NAV1: variants seen among roughly 807,000 people sequenced by gnomAD.
NAV1 encodes pore membrane and/or filament interacting like protein 3.
Under a neutral mutation model 175.2 loss-of-function variants are expected in NAV1, and 18 were observed. That is an observed-to-expected ratio of 0.10 (90% confidence interval 0.07 to 0.15). NAV1 has a LOEUF of 0.15. NAV1 is among the 10% of genes least tolerant of loss of function. NAV1 has a pLI of 1.00. For missense variants in NAV1, 1,731 were observed against 2,436.6 expected, an observed-to-expected ratio of 0.71 and a Z score of 6.10; for synonymous variants, 897 against 978.7, an observed-to-expected ratio of 0.92 and a Z score of 1.56.
rs577227528 is a variant in NAV1 at position 201,616,591 on chromosome 1, G to A, written c.-32-6262G>A. On this transcript the variant is annotated intron_variant, in intron 2 of 33. Transcript: ENST00000685211. ...CAACCTCCGCCTCCCAGGTTCAAGC[G>A]ATTCTCCTGCCTCAGCCTCCTGAGT... 2.7e-3 allele frequency among the ~76,000 whole-genome samples: 413 copies of A among 152,088 alleles called. 2 individuals carry two copies. Among genetic ancestry groups the A allele is most frequent in the Non-Finnish European group, 3.5e-3 (236 of 67,980 alleles).
At chr1:201,661,333 T>A (rs724220) in intron 1 of NAV1, among the ~76,000 whole-genome samples, 1 of 151,982 alleles carries the variant, frequency 6.6e-6, no homozygotes, top group Admixed American at 6.6e-5. Context: ...CTCCCAAGCC[T>A]CTCACTGTCT....
chr1:201,646,082 C>T (rs1242729804), upstream of NAV1, among the ~76,000 whole-genome samples: 1 of 152,188 alleles, frequency 6.6e-6, no homozygotes, highest in African/African-American at 2.4e-5. Context: ...CATGTTTGGA[C>T]ATAAGCATGG....
intron 15 of NAV1, chr1:201,797,237 A>G (rs1238835423): frequency 6.6e-6 from 1 of 152,138 alleles, no homozygotes; most frequent in East Asian, 1.9e-4. Context: ...TGAAAAGACT[A>G]TTTTTTCCCC....
chr1:201,782,436 G>A lies in NAV1; in HGVS notation c.1924G>A (p.Val642Ile), dbSNP rs983401169. 6.2e-7 allele frequency: 1 copy of A among 1,614,012 alleles called. No homozygotes were observed. The highest frequency in any genetic ancestry group is 8.5e-7 in the Non-Finnish European group (1 of 1,179,980). The change falls in exon 6 of 30, where the codon GTA (valine) becomes ATA (isoleucine). Residue 642 changes from valine (V) to isoleucine (I), a missense_variant. Physicochemically the swap from Val to Ile is conservative, Grantham distance 29. This residue lies in a region of NAV1 where 634 missense variants were observed against 766.8 expected (regional missense o/e 0.83). Coordinates refer to ENST00000367296, the Ensembl canonical transcript of NAV1. The surrounding 1 kb of genome is among the most constrained non-coding windows in gnomAD (Gnocchi z 5.4). ...GTCCTCAGGCATCCCTGTCAAGCCA[G>A]TAAATGGGCGCAAGACTAGCTTAGA... is the stretch of plus-strand genomic sequence containing the variant.
chr1:201,701,327 G>T lies in NAV1; in HGVS notation c.758-11490G>T, dbSNP rs186400572. Among the ~76,000 whole-genome samples the T allele has an allele frequency of 2.7e-3, 416 of 151,872 alleles. 3 individuals carry two copies. The highest frequency in any genetic ancestry group is 9.4e-3 in the African/African-American group (389 of 41,396). On this transcript the variant is annotated intron_variant, in intron 1 of 29. Coordinates refer to ENST00000367296, the Ensembl canonical transcript of NAV1. ...TACCTAATGTAAATGACAAGTTAAT[G>T]GGTGCAACAAACCAACATAGCACAT...
chr1:201,722,095 A>G (rs1420997825), intron 3 of NAV1, among the ~76,000 whole-genome samples: 4 of 152,244 alleles, frequency 2.6e-5, no homozygotes, highest in Non-Finnish European at 5.9e-5. Flanking sequence ...TTGTGGTTAT[A>G]TATATATAAC....
chr1:201,596,502 G>T (rs1667351233), intron 2 of NAV1, among the ~76,000 whole-genome samples: 1 of 152,242 alleles, frequency 6.6e-6, no homozygotes, highest in Admixed American at 6.5e-5. Flanking sequence ...GACTTTCAAA[G>T]AACTCCTCAG....
intron 1 of NAV1, among the ~76,000 whole-genome samples, chr1:201,685,126 G>GC (rs1171467574): frequency 2.6e-5 from 4 of 151,748 alleles, no homozygotes; most frequent in Non-Finnish European, 2.9e-5. Context: ...ACAAAAATTA[G>GC]CCTGGCATGG....
chr1:201,628,550 T>C (rs1401001678), intron 1 of NAV1, among the ~76,000 whole-genome samples: 1 of 152,144 alleles, frequency 6.6e-6, no homozygotes, highest in East Asian at 1.9e-4. Flanking sequence ...TCAGTGGCAC[T>C]GGAGACTCTC....
chr1:201,808,426 C>T lies in NAV1; in HGVS notation c.3854C>T (p.Ala1285Val), dbSNP rs779356832. The change falls in exon 19 of 30, where the codon GCT becomes GTT. Residue 1285 changes from alanine (A) to valine (V), a missense_variant. By Grantham distance (64) the Ala-to-Val change is moderately conservative (BLOSUM62 0). This residue lies in a region of NAV1 where 146 missense variants were observed against 176.8 expected (regional missense o/e 0.83). Coordinates refer to ENST00000367296, the Ensembl canonical transcript of NAV1. The surrounding 1 kb of genome is among the most constrained non-coding windows in gnomAD (Gnocchi z 5.5). ...CTCTTGCTATCTTACAGGGGCCCTG[C>T]TCACCCAGCCCCCCACACTAGGCTG... 6.2e-7 allele frequency: 1 copy of T among 1,611,412 alleles called. No individual in the cohort carries two copies. Among genetic ancestry groups the T allele is most frequent in the South Asian group, 1.1e-5 (1 of 90,776 alleles).
chr1:201,700,286 G>C (rs1671359505), intron 1 of NAV1, among the ~76,000 whole-genome samples: 1 of 152,228 alleles, frequency 6.6e-6, no homozygotes, highest in Non-Finnish European at 1.5e-5. Context: ...GATATGAACA[G>C]ACACTTCTCG....
At chr1:201,766,097 A>G (rs1411040929) in intron 3 of NAV1, among the ~76,000 whole-genome samples, 1 of 152,206 alleles carries the variant, frequency 6.6e-6, no homozygotes, top group Non-Finnish European at 1.5e-5. Flanking sequence ...ATATCCTCCA[A>G]TTTCATATAA....
chr1:201,789,817 C>T (rs1481071970), intron 11 of NAV1, 25 bp downstream of exon 15: 1 of 1,604,042 alleles, frequency 6.2e-7, no homozygotes, highest in Admixed American at 1.7e-5. Flanking sequence ...TTCTCTTCCC[C>T]TCTCATCCCC....
rs757752199 is a variant in NAV1 at position 201,808,708 on chromosome 1, G to A, written c.4044G>A (p.Glu1348=). The A allele has an allele frequency of 6.2e-7, 1 of 1,614,234 alleles. No individual in the cohort carries two copies. Among genetic ancestry groups the A allele is most frequent in the Admixed American group, 1.7e-5 (1 of 60,028 alleles). ...CCTGTCTGTTCTTGCCACAGTTGGA[G>A]GTGGACCTGCTGAAAGCAGAGAATG... Residue 1348 remains glutamate (E), a synonymous_variant, in exon 20 of 30, where the codon GAG becomes GAA. Transcript: ENST00000367296. The surrounding 1 kb of genome is among the most constrained non-coding windows in gnomAD (Gnocchi z 5.5).
At chr1:201,649,019 G>A (rs760971388) in exon 1 of NAV1, 2 of 1,613,616 alleles carry the variant, frequency 1.2e-6, no homozygotes, top group Non-Finnish European at 1.7e-6. Flanking sequence ...ATATGGCCAA[G>A]GCGCCCAAAG....
At chr1:201,611,364 T>C (rs1484673568) in intron 2 of NAV1, among the ~76,000 whole-genome samples, 2 of 152,204 alleles carry the variant, frequency 1.3e-5, no homozygotes, top group Non-Finnish European at 2.9e-5. Context: ...TCTTCCTCCA[T>C]TTCTGTCCTG....
chr1:201,707,265 C>T (rs979796080), intron 1 of NAV1, among the ~76,000 whole-genome samples: 2 of 152,288 alleles, frequency 1.3e-5, no homozygotes, highest in African/African-American at 4.8e-5. Context: ...AGACAAGGGG[C>T]CAGCCTCAGT....
At chr1:201,731,606 C>T (rs1052116039) in intron 3 of NAV1, among the ~76,000 whole-genome samples, 1 of 152,208 alleles carries the variant, frequency 6.6e-6, no homozygotes, top group Non-Finnish European at 1.5e-5. Flanking sequence ...AGTCCCTGCC[C>T]TCTTTGACTG....
intron 29 of NAV1, among the ~76,000 whole-genome samples, chr1:201,818,311 G>A (rs972683474): frequency 6.6e-6 from 1 of 151,844 alleles, no homozygotes; most frequent in African/African-American, 2.4e-5. Context: ...GGCGGATCAT[G>A]AGGTCAAGAG....
Sources: gnomAD v4.1 joint callset for allele counts (sites outside exome capture counted in the v4.1 genomes callset) on GRCh38, gnomAD v4.1.1 for gene constraint, gnomAD v4.1.1 regional missense constraint, Gnocchi (gnomAD v3.1) non-coding constraint, MANE v1.5 for transcripts, NCBI Gene and HGNC (gene_info 2026-07-23, HGNC 2026-07-21) for gene names.